Variants in NRXN1 observed in about 807,000 individuals in gnomAD.
NRXN1 encodes the protein neurexin-1.
Under a neutral mutation model 150.9 loss-of-function variants are expected in NRXN1, and 39 were observed. The observed-to-expected ratio is 0.26, with a 90% confidence interval of 0.20 to 0.34. The LOEUF (loss-of-function observed/expected upper bound fraction) is 0.34. Among genes scored for constraint, NRXN1 ranks in the 10% least tolerant of loss-of-function variants. The probability of loss-of-function intolerance (pLI) is 1.00; values close to 1 mark genes in which losing one functional copy is unlikely to be tolerated. For synonymous variants in NRXN1, 924 were observed against 757.0 expected (o/e 1.22, Z -3.62); for missense variants, 1,815 against 1,949.9 (o/e 0.93, Z 1.30).
At chr2:50,770,419 A>G (rs896358199) in intron 5 of NRXN1, among the ~76,000 whole-genome samples, 10 of 152,030 alleles carry the variant, frequency 6.6e-5, no homozygotes, top group African/African-American at 2.4e-4. Flanking sequence ...TTCTGGCTCC[A>G]TTAAAAGTTT....
At chr2:50,617,402 C>G (rs1016314011) in intron 8 of NRXN1, among the ~76,000 whole-genome samples, 2 of 151,208 alleles carry the variant, frequency 1.3e-5, no homozygotes, top group African/African-American at 4.9e-5. Flanking sequence ...TGCCACTACA[C>G]TCCCCTGGGG....
intron 5 of NRXN1, among the ~76,000 whole-genome samples, chr2:50,843,056 G>C: frequency 6.6e-6 from 1 of 152,040 alleles, no homozygotes; most frequent in East Asian, 1.9e-4. Flanking sequence ...ACTCATTATC[G>C]CTAAAGAAAA....
chr2:50,033,290 C>A (rs72889550), intron 21 of NRXN1, among the ~76,000 whole-genome samples: 4,892 of 151,946 alleles, frequency 0.032, 257 homozygotes, highest in African/African-American at 0.11. Context: ...CATGGACCAA[C>A]AGAACAGAAC....
intron 5 of NRXN1, among the ~76,000 whole-genome samples, chr2:50,716,523 AAAATAAAAAC>A (rs1695888147): frequency 6.6e-6 from 1 of 152,206 alleles, no homozygotes; most frequent in South Asian, 2.1e-4. Context: ...AAGAAATTAT[AAAATAAAAAC>A]AAATAAAACA....
At chr2:50,635,167 T>C (rs1037709548) in intron 5 of NRXN1, among the ~76,000 whole-genome samples, 1 of 148,764 alleles carries the variant, frequency 6.7e-6, no homozygotes, top group African/African-American at 2.5e-5. Context: ...AAATTCTTCT[T>C]TTTTTTTTTT....
At chr2:50,812,382 T>C (rs373405515) in intron 5 of NRXN1, among the ~76,000 whole-genome samples, 16 of 152,296 alleles carry the variant, frequency 1.1e-4, no homozygotes, top group Admixed American at 6.5e-4. Flanking sequence ...GGCCAAGAGA[T>C]AGTGAAGCCA....
intron 8 of NRXN1, among the ~76,000 whole-genome samples, chr2:50,572,156 C>A (rs1237911769): frequency 6.6e-6 from 1 of 152,160 alleles, no homozygotes; most frequent in Non-Finnish European, 1.5e-5. Context: ...CGCAAGGAGT[C>A]TTCCAGAATC....
At chr2:49,945,761 C>T (rs1160102724) in intron 21 of NRXN1, among the ~76,000 whole-genome samples, 1 of 152,126 alleles carries the variant, frequency 6.6e-6, no homozygotes, top group Non-Finnish European at 1.5e-5. Flanking sequence ...TGTATATGTG[C>T]CACATTTTCT....
chr2:50,582,550 A>G (rs78729773), intron 8 of NRXN1, among the ~76,000 whole-genome samples: 2,765 of 151,672 alleles, frequency 0.018, 59 homozygotes, highest in Middle Eastern at 0.054. Flanking sequence ...ATAAAACAAA[A>G]ATAGCAAAGA....
chr2:50,787,119 A>AAT (rs1413492204), intron 5 of NRXN1, among the ~76,000 whole-genome samples: 1 of 152,108 alleles, frequency 6.6e-6, no homozygotes, highest in Non-Finnish European at 1.5e-5. Flanking sequence ...TGTCAAAAGA[A>AAT]ATATTGCCAT....
In NRXN1 at chr2:50,688,236, T is replaced by C. The variant is rs552709942; in HGVS notation, c.833-64621A>G. Among the ~76,000 whole-genome samples, 11 of 152,278 alleles carry C rather than the reference T, an allele frequency of 7.2e-5. No homozygotes were observed. In the South Asian group the frequency reaches 2.1e-3, roughly 29 times the overall value. On this transcript the variant is annotated intron_variant, in intron 5 of 22. Coordinates refer to ENST00000401669, the MANE Select transcript of NRXN1 (RefSeq NM_001330078.2). ...CTGAGACTAATGCTGTCCCTGAGGA[T>C]AGTCTATGGGGTCCCCAAGTGCTTG... is the stretch of plus-strand genomic sequence containing the variant.
intron 2 of NRXN1, among the ~76,000 whole-genome samples, chr2:50,995,787 C>G (rs1348157070): frequency 6.6e-6 from 1 of 152,008 alleles, no homozygotes; most frequent in Non-Finnish European, 1.5e-5. Context: ...AGCAAGGCAG[C>G]TCAGAGATTC....
intron 17 of NRXN1, among the ~76,000 whole-genome samples, chr2:50,398,033 TG>T (rs1251215647): frequency 6.6e-6 from 1 of 152,146 alleles, no homozygotes; most frequent in African/African-American, 2.4e-5. Context: ...GGAAGAATGT[TG>T]GAAAAAAACA....
At chr2:50,200,353 T>A (rs2062072251) in intron 18 of NRXN1, among the ~76,000 whole-genome samples, 1 of 152,176 alleles carries the variant, frequency 6.6e-6, no homozygotes, top group African/African-American at 2.4e-5. Flanking sequence ...CATAATTAAT[T>A]GGCCTCATTA....
chr2:49,986,918 A>C (rs1392049787), intron 21 of NRXN1, among the ~76,000 whole-genome samples: 2 of 152,214 alleles, frequency 1.3e-5, no homozygotes, highest in East Asian at 3.9e-4. Context: ...ACAAAAAATT[A>C]GCCAGGTGGG....
intron 9 of NRXN1, among the ~76,000 whole-genome samples, chr2:50,547,728 A>C (rs1456857087): frequency 1.3e-5 from 2 of 152,112 alleles, no homozygotes; most frequent in Non-Finnish European, 2.9e-5. Flanking sequence ...TGATTCACTA[A>C]ATCATGCCTG....
intron 8 of NRXN1, among the ~76,000 whole-genome samples, chr2:50,572,365 T>A (rs891743055): frequency 5.9e-5 from 9 of 152,242 alleles, no homozygotes; most frequent in African/African-American, 2.2e-4. Context: ...TTAATAATTA[T>A]ACTGTTTTGT....
chr2:50,385,100 C>T (rs749108014), intron 17 of NRXN1, among the ~76,000 whole-genome samples: 12 of 152,168 alleles, frequency 7.9e-5, no homozygotes, highest in Non-Finnish European at 1.3e-4. Flanking sequence ...TAAAAATTAG[C>T]AAGCACTTTA....
intron 17 of NRXN1, among the ~76,000 whole-genome samples, chr2:50,341,919 T>C (rs1274471362): frequency 6.6e-6 from 1 of 152,210 alleles, no homozygotes; most frequent in Non-Finnish European, 1.5e-5. Flanking sequence ...GCATTTATGC[T>C]TGGAAACTAT....
Sources: gnomAD v4.1 joint callset for allele counts (sites outside exome capture counted in the v4.1 genomes callset) on GRCh38, gnomAD v4.1.1 for gene constraint, MANE v1.5 for transcripts, NCBI Gene and HGNC (gene_info 2026-07-23, HGNC 2026-07-21) for gene names.